PTPDC1: variants seen among roughly 807,000 people sequenced by gnomAD.
PTPDC1 encodes the protein protein tyrosine phosphatase domain containing 1, also known as protein tyrosine phosphatase domain-containing protein 1.
A neutral mutation model predicts 75.3 loss-of-function variants in PTPDC1; 53 were observed. The observed-to-expected ratio is 0.70, with a 90% CI of 0.56 to 0.88. PTPDC1 has a LOEUF of 0.88. Ranked by LOEUF, PTPDC1 falls within the 40% of genes least tolerant of loss-of-function variation. The pLI is 0.00. For synonymous variants in PTPDC1, 349 were observed against 366.2 expected, an observed-to-expected ratio of 0.95 and a Z score of 0.54; for missense variants, 925 against 998.6, an observed-to-expected ratio of 0.93 and a Z score of 0.99.
chr9:94,086,248 A>G (rs1291191611), intron 2 of PTPDC1, among the ~76,000 whole-genome samples: 1 of 152,226 alleles, frequency 6.6e-6, no homozygotes, highest in Non-Finnish European at 1.5e-5. Context: ...ACCACAGGTC[A>G]TATTCTGGTC....
upstream of PTPDC1, among the ~76,000 whole-genome samples, chr9:94,082,857 C>A (rs1420153076): frequency 1.3e-5 from 2 of 152,152 alleles, no homozygotes; most frequent in Admixed American, 6.5e-5. Context: ...TATAAACCAT[C>A]CCTTCCTTAG....
chr9:94,051,018 C>T (rs142930670), intron 1 of PTPDC1, among the ~76,000 whole-genome samples: 11,574 of 152,262 alleles, frequency 0.076, 593 homozygotes, highest in East Asian at 0.14. Context: ...AAGCCAGGTG[C>T]GGGATATAAT....
intron 1 of PTPDC1, among the ~76,000 whole-genome samples, chr9:94,048,538 G>A (rs898606842): frequency 6.6e-6 from 1 of 152,146 alleles, no homozygotes; most frequent in Non-Finnish European, 1.5e-5. Flanking sequence ...TTAATCCTGA[G>A]TTCTATTTTG....
chr9:94,084,213 G>C (rs1341453096), upstream of PTPDC1, among the ~76,000 whole-genome samples: 3 of 152,098 alleles, frequency 2.0e-5, no homozygotes, highest in Admixed American at 6.5e-5. Flanking sequence ...CAGTATTTTG[G>C]GGAGTAATTC....
chr9:94,103,779 T>C (rs891851673), intron 7 of PTPDC1, among the ~76,000 whole-genome samples: 1 of 152,166 alleles, frequency 6.6e-6, no homozygotes, highest in African/African-American at 2.4e-5. Flanking sequence ...GGCTAAGCAC[T>C]TAAGCACTGC....
intron 4 of PTPDC1, among the ~76,000 whole-genome samples, chr9:94,093,518 T>C (rs1827411908): frequency 6.6e-6 from 1 of 150,532 alleles, no homozygotes; most frequent in Non-Finnish European, 1.5e-5. Context: ...GCCCTTAACA[T>C]TTTTTCCTTC....
intron 7 of PTPDC1, 39 bp downstream of exon 7, chr9:94,101,790 G>T: frequency 1.6e-6 from 2 of 1,232,742 alleles, no homozygotes; most frequent in Non-Finnish European, 2.2e-6. Context: ...CTGTAACTGA[G>T]GCCCTTAGTT....
chr9:94,051,305 A>C (rs1321009364), intron 1 of PTPDC1, among the ~76,000 whole-genome samples: 1 of 152,202 alleles, frequency 6.6e-6, no homozygotes, highest in Admixed American at 6.5e-5. Flanking sequence ...TGTGTTGCTC[A>C]TGCTGGGAGC....
chr9:94,054,177 T>C (rs1252931807), intron 1 of PTPDC1, among the ~76,000 whole-genome samples: 2 of 152,144 alleles, frequency 1.3e-5, no homozygotes, highest in Non-Finnish European at 2.9e-5. Flanking sequence ...ATATAATGTA[T>C]TAGATGTGTT....
chr9:94,052,158 G>GAT (rs1288117267), intron 1 of PTPDC1, among the ~76,000 whole-genome samples: 7 of 151,854 alleles, frequency 4.6e-5, no homozygotes, highest in South Asian at 2.1e-4. Flanking sequence ...TGTTGTGCAA[G>GAT]ATATATATAT....
Position 94,098,549 on chromosome 9 carries a change from G to C in PTPDC1, c.1983G>C (p.Glu661Asp). ...ATTTAAATGAATCTGTAGAAAAGGA[G>C]GAACTAAAAAGGAAGGTAGAAATGT... is the stretch of plus-strand genomic sequence containing the variant. ...LANLNESVEK[E>D]ELKRKVEMWQ... is the part of the protein sequence containing the mutation. Residue 661 changes from glutamate to aspartate, a missense_variant, in exon 6 of 9, where the codon GAG (glutamate) becomes GAC (aspartate). Coordinates refer to ENST00000620992, the MANE Select transcript of PTPDC1 (RefSeq NM_001253829.2). 1 of 1,613,898 alleles carries C rather than the reference G, an allele frequency of 6.2e-7. No individual in the cohort carries two copies. The highest frequency in any genetic ancestry group is 8.5e-7 in the Non-Finnish European group (1 of 1,179,976).
chr9:94,042,458 A>G (rs1825452400), intron 1 of PTPDC1, among the ~76,000 whole-genome samples: 1 of 152,202 alleles, frequency 6.6e-6, no homozygotes, highest in South Asian at 2.1e-4. Context: ...CAGTGCCTAT[A>G]ATAGTTATGT....
intron 8 of PTPDC1, among the ~76,000 whole-genome samples, chr9:94,106,092 C>T (rs1828015860): frequency 6.6e-6 from 1 of 151,976 alleles, no homozygotes; most frequent in Non-Finnish European, 1.5e-5. Context: ...GAAAAAAATC[C>T]TTACGATTGG....
intron 1 of PTPDC1, among the ~76,000 whole-genome samples, chr9:94,048,920 T>G (rs2118444224): frequency 6.6e-6 from 1 of 152,360 alleles, no homozygotes; most frequent in South Asian, 2.1e-4. Flanking sequence ...TTAGGGTAGT[T>G]AGCTCTTCTT....
intron 1 of PTPDC1, among the ~76,000 whole-genome samples, chr9:94,059,224 G>A (rs906197636): frequency 6.6e-6 from 1 of 152,136 alleles, no homozygotes; most frequent in African/African-American, 2.4e-5. Flanking sequence ...ATATATGATA[G>A]TAATAACAAT....
intron 2 of PTPDC1, among the ~76,000 whole-genome samples, chr9:94,069,222 C>G (rs1826425464): frequency 6.6e-6 from 1 of 152,132 alleles, no homozygotes; most frequent in Non-Finnish European, 1.5e-5. Flanking sequence ...ACATATGTAC[C>G]TGTCCATTTT....
chr9:94,052,031 C>T (rs1825807139), intron 1 of PTPDC1, among the ~76,000 whole-genome samples: 1 of 152,022 alleles, frequency 6.6e-6, no homozygotes, highest in Non-Finnish European at 1.5e-5. Context: ...AGCGGCATCC[C>T]ATAAATTTTG....
intron 6 of PTPDC1, among the ~76,000 whole-genome samples, chr9:94,099,602 C>T (rs1301685944): frequency 6.6e-6 from 1 of 152,186 alleles, no homozygotes; most frequent in Non-Finnish European, 1.5e-5. Context: ...AATTGTGTTT[C>T]GCCTATCCAA....
intron 4 of PTPDC1, 70 bp from the exon 5 acceptor site, chr9:94,095,247 T>TCTCCG: frequency 8.7e-7 from 1 of 1,145,646 alleles, no homozygotes; most frequent in Non-Finnish European, 1.2e-6. Flanking sequence ...ATCTGTGTAC[T>TCTCCG]TTTCATTAGT....
Sources: allele counts gnomAD v4.1 joint callset (sites outside exome capture counted in the v4.1 genomes callset), GRCh38; gene constraint gnomAD v4.1.1; transcripts MANE v1.5; gene names NCBI Gene and HGNC (gene_info 2026-07-23, HGNC 2026-07-21).